The following CASD1 variants were observed in gnomAD, a reference collection of about 807,000 sequenced individuals.
The protein encoded by CASD1 is N-acetylneuraminate (7)9-O-acetyltransferase.
A neutral mutation model predicts 100.0 loss-of-function variants in CASD1; 41 were observed. That is an observed-to-expected ratio of 0.41 (90% confidence interval 0.32 to 0.53). CASD1 has a LOEUF of 0.53. Ranked by LOEUF, CASD1 falls within the 20% of genes least tolerant of loss-of-function variation. The pLI is 0.25. For synonymous variants in CASD1, 321 were observed against 315.6 expected (o/e 1.02, Z -0.18); for missense variants, 774 against 948.7 (o/e 0.82, Z 2.42).
chr7:94,581,586 G>A, the CASD1 span, among the ~76,000 whole-genome samples: 1 of 152,024 alleles, frequency 6.6e-6, no homozygotes, highest in Non-Finnish European at 1.5e-5. Context: ...GTGTCCGTGT[G>A]TTCTCATTAT....
chr7:94,539,668 C>CAAAAA, intron 10 of CASD1, among the ~76,000 whole-genome samples: 1 of 119,744 alleles, frequency 8.4e-6, no homozygotes, highest in East Asian at 2.2e-4. Context: ...GACTCCGTCT[C>CAAAAA]AAAAAAAAAA....
chr7:94,600,301 A>G, the CASD1 span: 5 of 242,490 alleles, frequency 2.1e-5, no homozygotes, highest in African/African-American at 9.2e-5. Context: ...CAATTTTTTT[A>G]AGTGCAATTA....
chr7:94,623,187 CT>C, the CASD1 span: 7 of 577,034 alleles, frequency 1.2e-5, no homozygotes, highest in Non-Finnish European at 2.1e-5. Context: ...GCTTAGTTTT[CT>C]TTTCTATATC....
chr7:94,553,310 A>G (rs1294635034), intron 16 of CASD1, among the ~76,000 whole-genome samples: 1 of 152,176 alleles, frequency 6.6e-6, no homozygotes, highest in Non-Finnish European at 1.5e-5. Context: ...AAAAAGACCC[A>G]CAAGATTAAG....
intron 10 of CASD1, among the ~76,000 whole-genome samples, chr7:94,542,045 T>C (rs965818457): frequency 6.6e-6 from 1 of 152,224 alleles, no homozygotes; most frequent in African/African-American, 2.4e-5. Flanking sequence ...CTTGGAAAAT[T>C]GTTGTTACAG....
chr7:94,561,459 C>G (rs368186931), downstream of CASD1, among the ~76,000 whole-genome samples: 1 of 151,992 alleles, frequency 6.6e-6, no homozygotes, highest in African/African-American at 2.4e-5. Context: ...TTGGGAATTG[C>G]GGGGAGGGCA....
Position 94,552,405 on chromosome 7 carries a change from A to G in CASD1, c.2012A>G (p.His671Arg), listed in dbSNP as rs755284005. 2 of 1,610,612 alleles carry G rather than the reference A, an allele frequency of 1.2e-6. No individual in the cohort carries two copies. Among genetic ancestry groups the G allele is most frequent in the Non-Finnish European group, 1.7e-6 (2 of 1,178,744 alleles). ...AACAAAGCAGAGTGCAATGAACTCC[A>G]TCCGTCTGTTTCTGTGGTACAGGTA... ...CKNKAECNEL[H>R]PSVSVVQILA... The change falls in exon 16 of 18, where the codon CAT becomes CGT. Residue 671 changes from histidine (H) to arginine (R), a missense_variant. By Grantham distance (29) the His-to-Arg change is conservative. Coordinates refer to ENST00000297273, the MANE Select transcript of CASD1 (RefSeq NM_022900.5).
the CASD1 span, chr7:94,600,820 A>G: frequency 6.2e-7 from 1 of 1,612,594 alleles, no homozygotes; most frequent in Non-Finnish European, 8.5e-7. Context: ...TCCACGAATC[A>G]CTTCCTGATA....
intron 8 of CASD1, 65 bp downstream of exon 8, chr7:94,535,588 C>A: frequency 9.0e-7 from 1 of 1,110,438 alleles, no homozygotes; most frequent in South Asian, 1.4e-5. Flanking sequence ...AGCCATAAGT[C>A]ATTATAACAT....
At chr7:94,552,659 G>A (rs1422979115) in intron 16 of CASD1, among the ~76,000 whole-genome samples, 2 of 152,102 alleles carry the variant, frequency 1.3e-5, no homozygotes, top group East Asian at 3.9e-4. Flanking sequence ...TCTGCCCTTA[G>A]AAAATGGTGG....
chr7:94,623,424 A>G, the CASD1 span: 3 of 1,417,864 alleles, frequency 2.1e-6, no homozygotes, highest in South Asian at 2.3e-5. Flanking sequence ...ACCATATTAA[A>G]GAAGTGAAAT....
chr7:94,564,132 G>A, the CASD1 span, among the ~76,000 whole-genome samples: 2 of 152,182 alleles, frequency 1.3e-5, no homozygotes, highest in African/African-American at 2.4e-5. Context: ...TCTCTTTCAT[G>A]TGAATGCACA....
At chr7:94,515,086 A>G (rs1272033549) in intron 1 of CASD1, among the ~76,000 whole-genome samples, 1 of 152,042 alleles carries the variant, frequency 6.6e-6, no homozygotes, top group Non-Finnish European at 1.5e-5. Context: ...TACTATTTTT[A>G]TAATTTTGCT....
chr7:94,542,362 A>G (rs991277940), intron 10 of CASD1, among the ~76,000 whole-genome samples: 3 of 152,192 alleles, frequency 2.0e-5, no homozygotes, highest in Admixed American at 2.0e-4. Flanking sequence ...GTAAGTGTGA[A>G]ATGTATACCA....
At chr7:94,587,185 C>T in the CASD1 span, 2 of 985,182 alleles carry the variant, frequency 2.0e-6, no homozygotes, top group Non-Finnish European at 2.4e-6. Context: ...ATAAATTGTC[C>T]TTGTATTTGG....
chr7:94,587,879 A>G, the CASD1 span: 1 of 1,511,564 alleles, frequency 6.6e-7, no homozygotes, highest in Non-Finnish European at 8.8e-7. Flanking sequence ...ACATTTCTGA[A>G]TGTGCCTGAA....
chr7:94,526,442 TAA>T (rs757873711), intron 3 of CASD1, among the ~76,000 whole-genome samples: 3 of 152,314 alleles, frequency 2.0e-5, no homozygotes, highest in Non-Finnish European at 2.9e-5. Flanking sequence ...TGGCTCTGCC[TAA>T]CTGAAAGGGC....
chr7:94,561,788 C>G (rs1279879776), downstream of CASD1, among the ~76,000 whole-genome samples: 1 of 152,100 alleles, frequency 6.6e-6, no homozygotes, highest in African/African-American at 2.4e-5. Flanking sequence ...TAGCTAATAT[C>G]TATCTTCTGT....
At chr7:94,623,375 G>A in the CASD1 span, 10 of 1,605,680 alleles carry the variant, frequency 6.2e-6, no homozygotes, top group East Asian at 2.2e-5. Context: ...AGTCTCAAAG[G>A]TGCGCCTGTT....
Sources: gnomAD v4.1 joint callset for allele counts (sites outside exome capture counted in the v4.1 genomes callset) on GRCh38, gnomAD v4.1.1 for gene constraint, MANE v1.5 for transcripts, NCBI Gene and HGNC (gene_info 2026-07-23, HGNC 2026-07-21) for gene names.